GRID2: variants seen among roughly 807,000 people sequenced by gnomAD.
GRID2 encodes glutamate receptor ionotropic, delta-2.
In GRID2, 33 loss-of-function variants were observed where a neutral mutation model predicts 114.8. That is an observed-to-expected ratio of 0.29 (90% confidence interval 0.22 to 0.38). The LOEUF is 0.38. Among genes scored for constraint, GRID2 ranks in the 10% least tolerant of loss-of-function variants. The pLI, the probability that GRID2 is intolerant of heterozygous loss-of-function variation, is 1.00. For synonymous variants in GRID2, 505 were observed against 449.9 expected, an observed-to-expected ratio of 1.12 and a Z score of -1.55; for missense variants, 1,184 against 1,257.7, an observed-to-expected ratio of 0.94 and a Z score of 0.89.
rs1723230410 is a variant in GRID2, at chr4:92,493,143, A to AAAT, written c.89-96986_89-96985insTAA. Reference sequence around the variant, plus strand: ...ACTCCATCTCAAAAAAAAAAAAAAAAAAAAGAATTGAATTGAATAAAGTTT... The same window carrying AAAT: ...ACTCCATCTCAAAAAAAAAAAAAAAAAATAAAAGAATTGAATTGAATAAAGTTT... On this transcript the variant is annotated intron_variant, in intron 1 of 15. Coordinates refer to ENST00000282020, the MANE Select transcript of GRID2 (RefSeq NM_001510.4). Among the ~76,000 whole-genome samples, 5 of 151,976 alleles carry AAAT rather than the reference A, an allele frequency of 3.3e-5. No homozygotes were observed. In the South Asian group the frequency reaches 1.0e-3, roughly 31 times the overall value.
At chr4:93,261,421 C>T (rs995766709) in intron 8 of GRID2, among the ~76,000 whole-genome samples, 2 of 151,772 alleles carry the variant, frequency 1.3e-5, no homozygotes. Flanking sequence ...CAGGTTCTTA[C>T]AAGTGCCACA....
chr4:92,962,175 CACTT>C (rs1276422000), intron 2 of GRID2, among the ~76,000 whole-genome samples: 1 of 151,908 alleles, frequency 6.6e-6, no homozygotes, highest in Non-Finnish European at 1.5e-5. Flanking sequence ...ATGGTTCTGA[CACTT>C]ACTGTGTCTC....
chr4:93,445,253 A>G (rs1721991272), intron 10 of GRID2, among the ~76,000 whole-genome samples: 1 of 152,034 alleles, frequency 6.6e-6, no homozygotes, highest in African/African-American at 2.4e-5. Context: ...AGAGAAAATA[A>G]GTAAAATAAG....
intron 1 of GRID2, among the ~76,000 whole-genome samples, chr4:92,522,715 A>T (rs1006317930): frequency 6.6e-6 from 1 of 151,970 alleles, no homozygotes; most frequent in Non-Finnish European, 1.5e-5. Flanking sequence ...AGTCAAAGAT[A>T]ACTTCAAGTT....
chr4:93,085,185 A>C lies in GRID2; in HGVS notation c.435A>C (p.Ser145=). The change falls in exon 3 of 16, where the codon TCA becomes TCC. Residue 145 remains serine (S), a synonymous_variant. Coordinates refer to ENST00000282020, the MANE Select transcript of GRID2 (RefSeq NM_001510.4). ...ACAGGAATGATGACTACACTCTCTC[A>C]GTTCGCCCACCTGTCTACTTGCATG... The part of the protein sequence containing the change: ...RSNRNDDYTL[S]VRPPVYLHDV... 6.2e-7 allele frequency: 1 copy of C among 1,613,886 alleles called. No homozygotes were observed. The highest frequency in any genetic ancestry group is 8.5e-7 in the Non-Finnish European group (1 of 1,179,830).
chr4:93,432,901 A>G (rs1024380608), intron 10 of GRID2, among the ~76,000 whole-genome samples: 7 of 152,032 alleles, frequency 4.6e-5, no homozygotes, highest in Admixed American at 2.6e-4. Context: ...CACCTCTAAA[A>G]AAATAAACAT....
At chr4:92,644,640 G>A (rs893982096) in intron 2 of GRID2, among the ~76,000 whole-genome samples, 8 of 151,490 alleles carry the variant, frequency 5.3e-5, no homozygotes, top group African/African-American at 1.9e-4. Context: ...TCTTTAAAAG[G>A]TTTTGTTTCC....
intron 2 of GRID2, among the ~76,000 whole-genome samples, chr4:92,880,586 G>A (rs760441346): frequency 7.2e-5 from 11 of 152,014 alleles, no homozygotes; most frequent in Middle Eastern, 3.4e-3. Context: ...TGTTTGTTTC[G>A]TTTCAACATA....
intron 2 of GRID2, among the ~76,000 whole-genome samples, chr4:92,900,790 C>T (rs1214403948): frequency 7.1e-6 from 1 of 139,914 alleles, no homozygotes; most frequent in African/African-American, 2.7e-5. Context: ...GACAAGATCA[C>T]GGCACTACAC....
chr4:92,834,748 T>C (rs1742338352), intron 2 of GRID2, among the ~76,000 whole-genome samples: 1 of 152,176 alleles, frequency 6.6e-6, no homozygotes, highest in African/African-American at 2.4e-5. Context: ...CTTTGTGTGA[T>C]TTCTGGACAC....
intron 1 of GRID2, among the ~76,000 whole-genome samples, chr4:93,787,736 A>C (rs1379038122): frequency 6.6e-6 from 1 of 152,184 alleles, no homozygotes; most frequent in Non-Finnish European, 1.5e-5. Context: ...TCATTGAATT[A>C]CTGCTTGTTG....
chr4:92,430,665 G>T (rs1056174250), intron 1 of GRID2, among the ~76,000 whole-genome samples: 3 of 151,978 alleles, frequency 2.0e-5, no homozygotes, highest in Non-Finnish European at 2.9e-5. Flanking sequence ...ATATTGATAG[G>T]GATTGCATTG....
At chr4:93,089,201 A>G (rs1730576797) in intron 3 of GRID2, among the ~76,000 whole-genome samples, 1 of 152,174 alleles carries the variant, frequency 6.6e-6, no homozygotes, top group South Asian at 2.1e-4. Context: ...TTATAGATAT[A>G]AGAATAAGAT....
chr4:92,390,790 G>A (rs1180563445), intron 1 of GRID2, among the ~76,000 whole-genome samples: 1 of 151,890 alleles, frequency 6.6e-6, no homozygotes, highest in African/African-American at 2.4e-5. Context: ...TTTATTCCTA[G>A]CTCTTATTAT....
intron 13 of GRID2, among the ~76,000 whole-genome samples, chr4:93,567,668 C>T (rs111612347): frequency 4.7e-4 from 72 of 152,272 alleles, no homozygotes; most frequent in African/African-American, 1.5e-3. Context: ...TTTTCACTTG[C>T]GTTGTGCCAG....
rs996074085 is a variant in GRID2 at position 92,575,733 on chromosome 4, G to A, written c.89-14398G>A. On this transcript the variant is annotated intron_variant, in intron 1 of 15. Coordinates refer to ENST00000282020, the MANE Select transcript of GRID2 (RefSeq NM_001510.4). ...CCTGTAGGAGGTGGCTGGAGTCCTT[G>A]GGCAACTCTTCAGCTCCCAATCCTT... Among the ~76,000 whole-genome samples, 9 of 152,268 alleles carry A rather than the reference G, an allele frequency of 5.9e-5. No homozygotes were observed. In the East Asian group the frequency reaches 1.6e-3, roughly 26 times the overall value.
intron 9 of GRID2, among the ~76,000 whole-genome samples, chr4:93,417,119 A>G (rs1208412448): frequency 6.6e-6 from 1 of 152,116 alleles, no homozygotes; most frequent in East Asian, 1.9e-4. Flanking sequence ...TTTATCATTT[A>G]TTATTTTCCC....
intron 2 of GRID2, among the ~76,000 whole-genome samples, chr4:92,942,005 G>A (rs955849213): frequency 6.6e-6 from 1 of 152,070 alleles, no homozygotes; most frequent in African/African-American, 2.4e-5. Flanking sequence ...GGTCAATTTT[G>A]GAATAGGTGT....
intron 2 of GRID2, among the ~76,000 whole-genome samples, chr4:93,002,993 T>A (rs1721159941): frequency 6.6e-6 from 1 of 151,870 alleles, no homozygotes; most frequent in South Asian, 2.1e-4. Flanking sequence ...TGTTGTCAGA[T>A]CTCTCTCTGC....
Sources: allele counts gnomAD v4.1 joint callset (sites outside exome capture counted in the v4.1 genomes callset), GRCh38; gene constraint gnomAD v4.1.1; transcripts MANE v1.5; gene names NCBI Gene and HGNC (gene_info 2026-07-23, HGNC 2026-07-21).